TGFB2: variants seen among roughly 807,000 people sequenced by gnomAD.
The protein encoded by TGFB2 is transforming growth factor beta-2 proprotein.
Under a neutral mutation model 42.7 loss-of-function variants are expected in TGFB2, and 13 were observed. The ratio of observed to expected loss-of-function variants is 0.30; its 90% CI spans 0.20 to 0.48. The LOEUF (loss-of-function observed/expected upper bound fraction) is 0.48. Ranked by LOEUF, TGFB2 falls within the 20% of genes least tolerant of loss-of-function variation. TGFB2 has a pLI of 0.99. For missense variants in TGFB2, 390 were observed against 517.5 expected, an observed-to-expected ratio of 0.75 and a Z score of 2.39; for synonymous variants, 193 against 193.6, an observed-to-expected ratio of 1.00 and a Z score of 0.03.
At chr1:218,429,875 TGC>T (rs1659751537) in intron 2 of TGFB2, among the ~76,000 whole-genome samples, 1 of 152,206 alleles carries the variant, frequency 6.6e-6, no homozygotes, top group Non-Finnish European at 1.5e-5. Context: ...TATCATTTCA[TGC>T]TTTCTAGGGA....
chr1:218,384,425 CT>C (rs1359467492), intron 1 of TGFB2, among the ~76,000 whole-genome samples: 1 of 152,190 alleles, frequency 6.6e-6, no homozygotes, highest in East Asian at 1.9e-4. Context: ...GCTATCTTAC[CT>C]TTTAAAATAA....
At chr1:218,431,191 C>G (rs1298374467) in intron 2 of TGFB2, among the ~76,000 whole-genome samples, 2 of 152,138 alleles carry the variant, frequency 1.3e-5, no homozygotes, top group Non-Finnish European at 2.9e-5. Flanking sequence ...TGAAAAAGAT[C>G]CAGAGGACCT....
intron 1 of TGFB2, among the ~76,000 whole-genome samples, chr1:218,387,536 T>G (rs1206147162): frequency 6.6e-6 from 1 of 152,112 alleles, no homozygotes; most frequent in African/African-American, 2.4e-5. Context: ...TCTCCTAGCC[T>G]TGGATGGAAG....
chr1:218,400,113 G>A (rs1049472108), intron 1 of TGFB2, among the ~76,000 whole-genome samples: 1 of 151,860 alleles, frequency 6.6e-6, no homozygotes, highest in Non-Finnish European at 1.5e-5. Context: ...AGCCTTGAAG[G>A]TCCTTTAGTA....
intron 6 of TGFB2, among the ~76,000 whole-genome samples, chr1:218,438,480 T>C (rs967898646): frequency 3.3e-5 from 5 of 152,214 alleles, no homozygotes; most frequent in African/African-American, 1.2e-4. Context: ...GGAATGTCTG[T>C]ATTAAAAGTT....
intron 1 of TGFB2, among the ~76,000 whole-genome samples, chr1:218,394,608 G>A (rs1054320796): frequency 7.9e-5 from 12 of 152,192 alleles, no homozygotes; most frequent in South Asian, 2.1e-4. Flanking sequence ...CCAACAGCTC[G>A]TCAAGTCTGA....
chr1:218,405,546 T>G, intron 2 of TGFB2: 1 of 763,180 alleles, frequency 1.3e-6, no homozygotes, highest in South Asian at 1.6e-5. Flanking sequence ...TTAAAAAACT[T>G]TTTTTAGATA....
At chr1:218,437,266 G>A (rs538114303) in intron 5 of TGFB2, 77 bp from the exon 6 acceptor site, 37 of 1,359,808 alleles carry the variant, frequency 2.7e-5, no homozygotes, top group Non-Finnish European at 3.7e-5. Context: ...TTTCTGGTTT[G>A]GGGTGAGGTG....
Position 218,442,892 on chromosome 1 carries a change from C to T in TGFB2, c.*1530C>T, listed in dbSNP as rs1054399885. On this transcript the variant is annotated 3_prime_UTR_variant, in exon 7 of 7. Transcript: ENST00000366930. Reference sequence around the variant, plus strand: ...ATTGAGTTAAGAAAAGTTTCTCTACCTTGGTTTAATCAATATTTTTGTAAA... The same window carrying T: ...ATTGAGTTAAGAAAAGTTTCTCTACTTTGGTTTAATCAATATTTTTGTAAA... 1 of 152,110 alleles carries T rather than the reference C, an allele frequency of 6.6e-6. No individual in the cohort carries two copies. The highest frequency in any genetic ancestry group is 1.5e-5 in the Non-Finnish European group (1 of 67,990). 9.4% of individuals were successfully genotyped at this position (152,110 alleles called of 1,614,324 possible).
chr1:218,363,287 A>G (rs1447014594), intron 1 of TGFB2: 1 of 1,461,134 alleles, frequency 6.8e-7, no homozygotes, highest in Admixed American at 1.7e-5. Context: ...TGTGCCAGGC[A>G]TCTCTTCAGT....
intron 2 of TGFB2, among the ~76,000 whole-genome samples, chr1:218,426,425 C>A (rs1367428718): frequency 1.3e-5 from 2 of 152,196 alleles, no homozygotes; most frequent in Admixed American, 1.3e-4. Context: ...TCACCTTTAT[C>A]CACTGCCCAG....
rs535892390 is a variant in TGFB2, at chr1:218,442,948, A to C, written c.*1586A>C. 6.6e-6 allele frequency: 1 copy of C among 152,212 alleles called. No individual in the cohort carries two copies. 9.4% of individuals were successfully genotyped at this position (152,212 alleles called of 1,614,324 possible). A position where few individuals can be genotyped will look rare whatever the true frequency, so the allele number is the denominator to read the frequency against. On this transcript the variant is annotated 3_prime_UTR_variant, in exon 7 of 7. Transcript: ENST00000366930. Reference sequence around the variant, plus strand: ...ATTGTTATTACAAAGAGGACACTTCATAGGAAACATCTTTTTCTTTAGTCA... The same window carrying C: ...ATTGTTATTACAAAGAGGACACTTCCTAGGAAACATCTTTTTCTTTAGTCA...
intron 1 of TGFB2, among the ~76,000 whole-genome samples, chr1:218,347,861 G>GCTC (rs1571822223): frequency 6.6e-6 from 1 of 151,406 alleles, no homozygotes; most frequent in Non-Finnish European, 1.5e-5. Flanking sequence ...CTGTTATCCT[G>GCTC]CTCCTGCCTT....
chr1:218,381,361 T>C (rs980079394), intron 1 of TGFB2, among the ~76,000 whole-genome samples: 14 of 151,168 alleles, frequency 9.3e-5, no homozygotes, highest in African/African-American at 3.4e-4. Context: ...GTTCACGCCA[T>C]TCTCCTGCCT....
intron 1 of TGFB2, among the ~76,000 whole-genome samples, chr1:218,395,790 AT>A (rs1255950328): frequency 2.2e-4 from 34 of 151,688 alleles, no homozygotes; most frequent in African/African-American, 8.0e-4. Context: ...TTTGTTTTGT[AT>A]TTTTAGTAGA....
At chr1:218,433,019 G>A (rs187995737) in intron 2 of TGFB2, among the ~76,000 whole-genome samples, 24 of 152,152 alleles carry the variant, frequency 1.6e-4, no homozygotes, top group South Asian at 2.1e-4. Flanking sequence ...CTACAGTTGC[G>A]CTTTACTCAT....
At chr1:218,438,019 A>G (rs559178381) in intron 6 of TGFB2, among the ~76,000 whole-genome samples, 2 of 152,316 alleles carry the variant, frequency 1.3e-5, no homozygotes, top group South Asian at 4.1e-4. Flanking sequence ...ACTTTAAAAT[A>G]GACAATAAAT....
intron 1 of TGFB2, among the ~76,000 whole-genome samples, chr1:218,385,292 A>G (rs1285427872): frequency 2.0e-5 from 3 of 152,234 alleles, no homozygotes; most frequent in Admixed American, 2.0e-4. Flanking sequence ...TTGTTATTCA[A>G]TGATAATTAA....
rs11806833 is a variant in TGFB2 at position 218,397,972 on chromosome 1, C to G, written c.347-7197C>G. Among the ~76,000 whole-genome samples the G allele has an allele frequency of 3.5e-3, 539 of 152,324 alleles. 2 individuals are homozygous for G. The highest frequency in any genetic ancestry group is 0.013 in the African/African-American group (528 of 41,572). ...TTCTGGCTTATCTTGGAAAATCCCC[C>G]ACGAGGACACTGAGACCAGTGCTTG... On this transcript the variant is annotated intron_variant, in intron 1 of 6. Coordinates refer to ENST00000366930, the MANE Select transcript of TGFB2 (RefSeq NM_003238.6).
Sources: allele counts gnomAD v4.1 joint callset (sites outside exome capture counted in the v4.1 genomes callset), GRCh38; gene constraint gnomAD v4.1.1; transcripts MANE v1.5; gene names NCBI Gene and HGNC (gene_info 2026-07-23, HGNC 2026-07-21).